Variants in COX10 observed in about 807,000 individuals in gnomAD.
COX10 encodes the protein cytochrome c oxidase assembly factor heme A:farnesyltransferase COX10.
COX10 carries 27 observed loss-of-function variants against 37.3 expected under a neutral mutation model. The observed-to-expected ratio is 0.72, with a 90% CI of 0.53 to 1.00. COX10 has a LOEUF of 1.00. Among genes scored for constraint, COX10 ranks in the 50% least tolerant of loss-of-function variants. The pLI is 0.00. For synonymous variants in COX10, 222 were observed against 229.1 expected, an observed-to-expected ratio of 0.97 and a Z score of 0.28; for missense variants, 475 against 563.2, an observed-to-expected ratio of 0.84 and a Z score of 1.59.
intron 2 of COX10, among the ~76,000 whole-genome samples, chr17:14,075,649 A>G (rs1198431386): frequency 1.3e-5 from 2 of 152,156 alleles, no homozygotes; most frequent in African/African-American, 2.4e-5. Context: ...TAAGTGGTAG[A>G]GACTGACTCT....
rs2856185 is a variant in COX10, at chr17:14,172,543, T to A, written c.695+12596T>A. ...GATGTTGAGCATTTTCTCGTATACC[T>A]TTTGGCTATTCGTATGTCTTCTTTT... On this transcript the variant is annotated intron_variant, in intron 5 of 6. Coordinates refer to ENST00000261643, the MANE Select transcript of COX10 (RefSeq NM_001303.4). Among the ~76,000 whole-genome samples, 54 of 149,772 alleles carry A rather than the reference T, an allele frequency of 3.6e-4. No individual in the cohort carries two copies. The East Asian group carries it at 9.5e-3, about 26-fold the overall frequency.
At chr17:14,119,415 G>A (rs553255921) in intron 4 of COX10, among the ~76,000 whole-genome samples, 1 of 152,198 alleles carries the variant, frequency 6.6e-6, no homozygotes, top group South Asian at 2.1e-4. Flanking sequence ...ACTCAGCACT[G>A]AGGATACAAT....
In COX10 at chr17:14,074,441, CT is replaced by C; in HGVS notation, c.164del (p.Phe55SerfsTer10). On this transcript the variant is annotated frameshift_variant, in exon 2 of 7. Transcript: ENST00000261643. LOFTEE classifies it high-confidence loss of function. ...KQWITFQHFSFLKRMYVTQLN... is the reference protein window; with the variant it reads ...KQWITFQHFSXLKRMYVTQLN... ...AGTGGATTACATTTCAGCACTTTAG[CT>C]TCCTCAAACGCATGGTATGTTTAGA... 2 of 1,613,756 alleles carry C rather than the reference CT, an allele frequency of 1.2e-6. No individual in the cohort carries two copies. Among genetic ancestry groups the C allele is most frequent in the Non-Finnish European group, 1.7e-6 (2 of 1,179,672 alleles).
intron 5 of COX10, among the ~76,000 whole-genome samples, chr17:14,185,320 TTAAGAG>T (rs1339692762): frequency 6.2e-5 from 9 of 145,930 alleles, no homozygotes; most frequent in African/African-American, 2.1e-4. Context: ...AATGGTATGA[TTAAGAG>T]AAAGAGTATA....
At chr17:14,123,462 T>C (rs1916269413) in intron 4 of COX10, among the ~76,000 whole-genome samples, 1 of 152,174 alleles carries the variant, frequency 6.6e-6, no homozygotes, top group Non-Finnish European at 1.5e-5. Flanking sequence ...GCTATGAACA[T>C]TAAGACTTCT....
At chr17:14,096,318 G>A (rs958095360) in intron 3 of COX10, among the ~76,000 whole-genome samples, 2 of 151,882 alleles carry the variant, frequency 1.3e-5, no homozygotes, top group African/African-American at 2.4e-5. Flanking sequence ...CCATAGCCCA[G>A]GGCATATCTC....
intron 5 of COX10, among the ~76,000 whole-genome samples, chr17:14,163,979 T>C (rs994009954): frequency 2.6e-5 from 4 of 152,236 alleles, no homozygotes; most frequent in African/African-American, 9.6e-5. Context: ...TAATTCACTT[T>C]ATGTGTTTTT....
intron 5 of COX10, among the ~76,000 whole-genome samples, chr17:14,189,678 C>T (rs377169777): frequency 6.6e-6 from 1 of 152,192 alleles, no homozygotes; most frequent in South Asian, 2.1e-4. Flanking sequence ...TTTTTGAAAT[C>T]CATGCATAGT....
intron 4 of COX10, among the ~76,000 whole-genome samples, chr17:14,134,765 T>A (rs722554): frequency 0.99 from 149,100 of 151,154 alleles, 73,568 homozygotes; most frequent in Middle Eastern, 1. Context: ...GATAAATTAA[T>A]TGCCCTCGGT....
intron 5 of COX10, 68 bp downstream of exon 5, chr17:14,160,015 T>G: frequency 1.4e-6 from 2 of 1,433,070 alleles, no homozygotes. Context: ...CTGAATCATT[T>G]CCCACTATTT....
At chr17:14,120,574 G>A (rs971206547) in intron 4 of COX10, among the ~76,000 whole-genome samples, 1 of 152,158 alleles carries the variant, frequency 6.6e-6, no homozygotes. Flanking sequence ...GACCAGTGAT[G>A]ACCTTAGGAA....
chr17:14,187,554 T>C (rs565372261), intron 5 of COX10, among the ~76,000 whole-genome samples: 1 of 152,326 alleles, frequency 6.6e-6, no homozygotes, highest in East Asian at 1.9e-4. Context: ...AGAGAAGATA[T>C]CAACTAGTAT....
intron 5 of COX10, 69 bp from the exon 6 acceptor site, chr17:14,191,920 G>A (rs1273848981): frequency 3.1e-5 from 48 of 1,546,750 alleles, no homozygotes; most frequent in Middle Eastern, 1.7e-4. Context: ...CTTTGTCAGT[G>A]CCGATTTTAG....
At chr17:14,072,879 A>G (rs990036062) in intron 1 of COX10, among the ~76,000 whole-genome samples, 2 of 152,198 alleles carry the variant, frequency 1.3e-5, no homozygotes, top group African/African-American at 2.4e-5. Flanking sequence ...GGTGGTGAGT[A>G]AAGGAGAATT....
intron 5 of COX10, among the ~76,000 whole-genome samples, chr17:14,162,360 G>A (rs1270353752): frequency 2.0e-5 from 3 of 151,998 alleles, no homozygotes; most frequent in Admixed American, 6.6e-5. Flanking sequence ...CACACATAAC[G>A]CTATATTTGC....
chr17:14,140,131 T>A (rs1904493273), intron 4 of COX10, among the ~76,000 whole-genome samples: 2 of 152,160 alleles, frequency 1.3e-5, no homozygotes, highest in Non-Finnish European at 2.9e-5. Flanking sequence ...CATTCAATTT[T>A]AAAAAATATT....
At chr17:14,113,376 T>C (rs1480561851) in intron 4 of COX10, among the ~76,000 whole-genome samples, 1 of 152,102 alleles carries the variant, frequency 6.6e-6, no homozygotes, top group Non-Finnish European at 1.5e-5. Context: ...TGAACTTGTC[T>C]TGACTCCTCC....
chr17:14,124,455 A>G (rs143376828), intron 4 of COX10, among the ~76,000 whole-genome samples: 1 of 152,278 alleles, frequency 6.6e-6, no homozygotes, highest in East Asian at 1.9e-4. Flanking sequence ...AACTCAGAGT[A>G]GGTTATTTTT....
intron 4 of COX10, among the ~76,000 whole-genome samples, chr17:14,125,666 G>A (rs954298357): frequency 3.9e-5 from 6 of 152,092 alleles, no homozygotes; most frequent in African/African-American, 1.4e-4. Context: ...AGGACTTCAC[G>A]GCTAATGTTC....
Sources: gnomAD v4.1 joint callset for allele counts (sites outside exome capture counted in the v4.1 genomes callset) on GRCh38, gnomAD v4.1.1 for gene constraint, MANE v1.5 for transcripts, NCBI Gene and HGNC (gene_info 2026-07-23, HGNC 2026-07-21) for gene names.